The following B4GALT1 variants were observed in gnomAD, a reference collection of about 807,000 sequenced individuals.
The protein encoded by B4GALT1 is beta-1,4-galactosyltransferase 1.
A neutral mutation model predicts 34.9 loss-of-function variants in B4GALT1; 16 were observed. The observed-to-expected ratio is 0.46, with a 90% CI of 0.31 to 0.70. The LOEUF (loss-of-function observed/expected upper bound fraction) is 0.70. Among genes scored for constraint, B4GALT1 ranks in the 30% least tolerant of loss-of-function variants. The pLI, the probability that B4GALT1 is intolerant of heterozygous loss-of-function variation, is 0.05. For synonymous variants in B4GALT1, 221 were observed against 218.1 expected (o/e 1.01, Z -0.12); for missense variants, 445 against 530.5 (o/e 0.84, Z 1.58).
At chr9:33,126,384 G>T (rs565616836) in intron 2 of B4GALT1, among the ~76,000 whole-genome samples, 1 of 152,304 alleles carries the variant, frequency 6.6e-6, no homozygotes, top group South Asian at 2.1e-4. Context: ...TTTGTGGAGG[G>T]CTAATAATAT....
At chr9:33,167,547 T>G (rs1587756456), upstream of B4GALT1, among the ~76,000 whole-genome samples, 4 of 152,172 alleles carry the variant, frequency 2.6e-5, no homozygotes, top group South Asian at 6.2e-4. Flanking sequence ...GCTCCGACGC[T>G]TGGCCGCGCA....
chr9:33,180,960 T>A, the B4GALT1 span, among the ~76,000 whole-genome samples: 1 of 152,218 alleles, frequency 6.6e-6, no homozygotes. Context: ...TCCTTTTTAG[T>A]CACAGGAATA....
rs577398310 is a variant in B4GALT1 at position 33,156,637 on chromosome 9, C to G, written c.412+10121G>C. Among the ~76,000 whole-genome samples, 8 of 152,226 alleles carry G rather than the reference C, an allele frequency of 5.3e-5. No individual in the cohort carries two copies. In the East Asian group the frequency reaches 1.5e-3, roughly 29 times the overall value. ...ATTTTTATCCAACATAATTTAAAAG[C>G]CTTTCTTCATTAGGGCCCTGTTTCT... is the stretch of plus-strand genomic sequence containing the variant. On this transcript the variant is annotated intron_variant, in intron 1 of 5. Transcript: ENST00000379731.
intron 1 of B4GALT1, among the ~76,000 whole-genome samples, chr9:33,138,065 C>G (rs1840296286): frequency 6.6e-6 from 1 of 152,278 alleles, no homozygotes; most frequent in South Asian, 2.1e-4. Context: ...GGCTGTCACC[C>G]TGCCGACTTG....
chr9:33,144,877 G>A (rs889111535), intron 1 of B4GALT1, among the ~76,000 whole-genome samples: 7 of 152,330 alleles, frequency 4.6e-5, no homozygotes, highest in African/African-American at 1.4e-4. Context: ...CAGCAATCAT[G>A]TATTGACCCA....
chr9:33,166,680 A>G, intron 1 of B4GALT1, 78 bp downstream of exon 1: 5 of 1,403,218 alleles, frequency 3.6e-6, no homozygotes, highest in Non-Finnish European at 4.7e-6. Flanking sequence ...AGCCAGCCTG[A>G]GGGAATGTCT....
chr9:33,108,670 CTGTGTGTCTG>C (rs977487953), downstream of B4GALT1: 7 of 151,786 alleles, frequency 4.6e-5, no homozygotes, highest in African/African-American at 1.5e-4. Flanking sequence ...GTGTGTGTCT[CTGTGTGTCTG>C]TGTGGATATG....
chr9:33,175,715 ATGT>A, the B4GALT1 span, among the ~76,000 whole-genome samples: 1 of 152,196 alleles, frequency 6.6e-6, no homozygotes, highest in African/African-American at 2.4e-5. Flanking sequence ...GTACAGTAAC[ATGT>A]TGTGCAGGTT....
rs542382201 is a variant in B4GALT1, at chr9:33,142,276, C to T, written c.413-6852G>A. ...GATTACAGGCACGAGCCACCGCGCT[C>T]GGCTGGTTTGTTTCTTAAATCAGAT... On this transcript the variant is annotated intron_variant, in intron 1 of 5. Coordinates refer to ENST00000379731, the MANE Select transcript of B4GALT1 (RefSeq NM_001497.4). Among the ~76,000 whole-genome samples, 22 of 152,192 alleles carry T rather than the reference C, an allele frequency of 1.4e-4. 1 individual carries two copies. The South Asian group carries it at 2.5e-3, about 17-fold the overall frequency.
intron 3 of B4GALT1, among the ~76,000 whole-genome samples, chr9:33,117,738 T>C (rs1290760093): frequency 6.6e-6 from 1 of 152,260 alleles, no homozygotes; most frequent in Non-Finnish European, 1.5e-5. Flanking sequence ...TCTGCTTTAA[T>C]GAACCTATTC....
At chr9:33,159,928 C>A (rs1208691747) in intron 1 of B4GALT1, among the ~76,000 whole-genome samples, 1 of 152,234 alleles carries the variant, frequency 6.6e-6, no homozygotes, top group Non-Finnish European at 1.5e-5. Context: ...TCACCCCCAC[C>A]GATTCTGTTC....
At chr9:33,175,932 T>C in the B4GALT1 span, among the ~76,000 whole-genome samples, 5 of 152,234 alleles carry the variant, frequency 3.3e-5, no homozygotes, top group African/African-American at 7.2e-5. Context: ...TTTACTTAAG[T>C]GACTTTTCCC....
chr9:33,123,843 C>A (rs1347337675), intron 2 of B4GALT1, among the ~76,000 whole-genome samples: 1 of 152,232 alleles, frequency 6.6e-6, no homozygotes, highest in East Asian at 1.9e-4. Context: ...CTGGTTCCAG[C>A]CCCTTTCACC....
chr9:33,170,956 G>A (rs1840835205), upstream of B4GALT1, among the ~76,000 whole-genome samples: 1 of 152,238 alleles, frequency 6.6e-6, no homozygotes, highest in Non-Finnish European at 1.5e-5. Flanking sequence ...GCCCATCCAT[G>A]TGCTCATCTG....
intron 1 of B4GALT1, among the ~76,000 whole-genome samples, chr9:33,155,939 G>A (rs1840588181): frequency 6.6e-6 from 1 of 152,046 alleles, no homozygotes; most frequent in Admixed American, 6.5e-5. Context: ...CTTGCCCTAG[G>A]TCTCTAGGAA....
At chr9:33,161,266 G>A (rs1013817741) in intron 1 of B4GALT1, among the ~76,000 whole-genome samples, 16 of 152,094 alleles carry the variant, frequency 1.1e-4, no homozygotes, top group Non-Finnish European at 2.1e-4. Flanking sequence ...TCACCCCTCT[G>A]TCTTCTAAGG....
rs951257428 is a variant in B4GALT1 at position 33,162,662 on chromosome 9, G to A, written c.412+4096C>T. Among the ~76,000 whole-genome samples, 11 of 152,300 alleles carry A rather than the reference G, an allele frequency of 7.2e-5. No homozygotes were observed. In the South Asian group the frequency reaches 8.3e-4, roughly 11 times the overall value. On this transcript the variant is annotated intron_variant, in intron 1 of 5. Coordinates refer to ENST00000379731, the MANE Select transcript of B4GALT1 (RefSeq NM_001497.4). ...AGGAAGAGCACTAGACAATCCCATC[G>A]TGGAATGCTACAGTTCTAAGAAGCT... is the stretch of plus-strand genomic sequence containing the variant.
downstream of B4GALT1, among the ~76,000 whole-genome samples, chr9:33,109,272 G>A (rs115550985): frequency 6.8e-4 from 104 of 152,360 alleles, 1 homozygote; most frequent in African/African-American, 1.2e-3. Flanking sequence ...AGCTGAACAC[G>A]TGGAGGTGTC....
chr9:33,149,721 GAGA>G (rs1237263478), intron 1 of B4GALT1, among the ~76,000 whole-genome samples: 16 of 152,154 alleles, frequency 1.1e-4, no homozygotes, highest in Non-Finnish European at 2.2e-4. Flanking sequence ...TCGTTACACT[GAGA>G]AGAACTCAGC....
Sources: gnomAD v4.1 joint callset for allele counts (sites outside exome capture counted in the v4.1 genomes callset) on GRCh38, gnomAD v4.1.1 for gene constraint, MANE v1.5 for transcripts, NCBI Gene and HGNC (gene_info 2026-07-23, HGNC 2026-07-21) for gene names.